PHLDB2: variants seen among roughly 807,000 people sequenced by gnomAD.
PHLDB2 encodes pleckstrin homology-like domain family B member 2.
In PHLDB2, 71 loss-of-function variants were observed where a neutral mutation model predicts 123.6. The ratio of observed to expected loss-of-function variants is 0.57; its 90% confidence interval spans 0.47 to 0.70. The LOEUF is 0.70. Ranked by LOEUF, PHLDB2 falls within the 30% of genes least tolerant of loss-of-function variation. The pLI, the probability that PHLDB2 is intolerant of heterozygous loss-of-function variation, is 0.00. For synonymous variants in PHLDB2, 547 were observed against 541.6 expected, an observed-to-expected ratio of 1.01 and a Z score of -0.14; for missense variants, 1,446 against 1,519.5, an observed-to-expected ratio of 0.95 and a Z score of 0.80.
At chr3:111,908,666 G>A (rs1005478987) in intron 2 of PHLDB2, among the ~76,000 whole-genome samples, 1 of 152,190 alleles carries the variant, frequency 6.6e-6, no homozygotes, top group Non-Finnish European at 1.5e-5. Flanking sequence ...TGAGGGTGAG[G>A]AAGAGAGGAG....
At chr3:111,738,931 G>A (rs542129954) in intron 1 of PHLDB2, among the ~76,000 whole-genome samples, 10 of 152,232 alleles carry the variant, frequency 6.6e-5, no homozygotes, top group African/African-American at 2.2e-4. Flanking sequence ...AGGAGACCTC[G>A]GTTGTGTTTG....
Position 111,884,600 on chromosome 3 carries a change from T to TAGCG in PHLDB2, c.523_524insAGCG (p.Ser175Ter), listed in dbSNP as rs756804540. The TAGCG allele has an allele frequency of 1.7e-5, 28 of 1,614,184 alleles. No homozygotes were observed. The highest frequency in any genetic ancestry group is 2.4e-5 in the Non-Finnish European group (28 of 1,180,034). On this transcript the variant is annotated stop_gained and frameshift_variant, in exon 2 of 18. Coordinates refer to ENST00000431670, the MANE Select transcript of PHLDB2 (RefSeq NM_001134438.2). LOFTEE classifies it high-confidence loss of function. ...GCTGGAAGGTCGGAAGGCATCTGGC[T>TAGCG]CGCTCCTGGCCATGTGGAATGGAAG...
Position 111,975,246 on chromosome 3 carries a change from G to GTATA in PHLDB2, c.*691_*694dup, listed in dbSNP as rs1553757034. On this transcript the variant is annotated 3_prime_UTR_variant, in exon 18 of 18. Transcript: ENST00000431670. ...ACCACTGGTGTAAGCTACTATATAT[G>GTATA]TATATATATATGTAGTAAACCACTT... The GTATA allele has an allele frequency of 1.6e-4, 24 of 151,480 alleles. No individual in the cohort carries two copies. Among genetic ancestry groups the GTATA allele is most frequent in the African/African-American group, 5.1e-4 (21 of 41,042 alleles). The allele number at this position is 151,480 out of a possible 1,614,324, so 9.4% of individuals were successfully genotyped here.
chr3:111,749,577 G>A (rs774279034), intron 1 of PHLDB2, among the ~76,000 whole-genome samples: 9 of 152,086 alleles, frequency 5.9e-5, no homozygotes, highest in Admixed American at 2.0e-4. Context: ...GTCAACCTAC[G>A]TTTAATTTTA....
At chr3:111,841,300 G>T (rs945361540) in intron 1 of PHLDB2, among the ~76,000 whole-genome samples, 3 of 152,058 alleles carry the variant, frequency 2.0e-5, no homozygotes, top group African/African-American at 7.2e-5. Context: ...GAAGGGGTTT[G>T]AATTTAAACA....
chr3:111,771,547 G>T (rs547193766), intron 1 of PHLDB2, among the ~76,000 whole-genome samples: 1 of 152,176 alleles, frequency 6.6e-6, no homozygotes, highest in Non-Finnish European at 1.5e-5. Flanking sequence ...CACCACGTGG[G>T]CCAGACTGGT....
At chr3:111,783,933 A>G (rs2060581446) in intron 1 of PHLDB2, among the ~76,000 whole-genome samples, 1 of 152,152 alleles carries the variant, frequency 6.6e-6, no homozygotes, top group South Asian at 2.1e-4. Flanking sequence ...ACATAAAAAT[A>G]CAGTTGGGTG....
At chr3:111,973,622 GATAA>G in intron 16 of PHLDB2, 106 bp from the exon 17 acceptor site, 1 of 597,424 alleles carries the variant, frequency 1.7e-6, no homozygotes, top group Non-Finnish European at 2.8e-6. Flanking sequence ...ATTAATCTTA[GATAA>G]ATTAAATACT....
intron 1 of PHLDB2, among the ~76,000 whole-genome samples, chr3:111,830,568 G>A (rs1203552851): frequency 6.7e-6 from 1 of 150,118 alleles, no homozygotes; most frequent in South Asian, 2.1e-4. Context: ...CCAGCACTTT[G>A]GGAGGCCGAG....
chr3:111,911,562 A>T (rs1464591805), intron 2 of PHLDB2: 6 of 1,488,866 alleles, frequency 4.0e-6, no homozygotes, highest in Non-Finnish European at 5.4e-6. Flanking sequence ...AGGGCTTGGC[A>T]GCTGGTGGAA....
chr3:111,929,848 C>T (rs568989232), intron 5 of PHLDB2, among the ~76,000 whole-genome samples: 18 of 152,140 alleles, frequency 1.2e-4, no homozygotes, highest in African/African-American at 4.3e-4. Flanking sequence ...TCTAGATGCC[C>T]CCTTGTATGA....
At chr3:111,804,562 A>G (rs187460512) in intron 1 of PHLDB2, among the ~76,000 whole-genome samples, 267 of 152,344 alleles carry the variant, frequency 1.8e-3, no homozygotes, top group Middle Eastern at 6.8e-3. Context: ...TATCTGCAGC[A>G]TAAGTACAGT....
At chr3:111,906,737 C>T (rs1254656521) in intron 2 of PHLDB2, among the ~76,000 whole-genome samples, 1 of 152,224 alleles carries the variant, frequency 6.6e-6, no homozygotes, top group Non-Finnish European at 1.5e-5. Context: ...TAGTAATCTG[C>T]ACATAACAAA....
In PHLDB2 at chr3:111,859,462, C is replaced by G. The variant is rs560411275; in HGVS notation, c.-129C>G. ...GTCAAGAGTGCCGGACCCAGCCGCG[C>G]GGAGCCCACCATTGCGGCCCGAGGG... On this transcript the variant is annotated 5_prime_UTR_variant, in exon 1 of 18. Coordinates refer to ENST00000431670, the MANE Select transcript of PHLDB2 (RefSeq NM_001134438.2). 1.0e-6 allele frequency: 1 copy of G among 985,394 alleles called. No homozygotes were observed. Among genetic ancestry groups the G allele is most frequent in the African/African-American group, 1.7e-5 (1 of 57,260 alleles). 61.0% of individuals were successfully genotyped at this position (985,394 alleles called of 1,614,324 possible).
intron 2 of PHLDB2, among the ~76,000 whole-genome samples, chr3:111,886,668 T>TA (rs1408673650): frequency 6.6e-6 from 1 of 152,206 alleles, no homozygotes; most frequent in African/African-American, 2.4e-5. Flanking sequence ...TGTCTGTTCT[T>TA]ACAGAGTTTT....
chr3:111,814,876 T>C (rs2062002562), intron 1 of PHLDB2, among the ~76,000 whole-genome samples: 1 of 152,164 alleles, frequency 6.6e-6, no homozygotes, highest in Non-Finnish European at 1.5e-5. Flanking sequence ...ATAATATGGT[T>C]TGGCTGTGTC....
intron 1 of PHLDB2, among the ~76,000 whole-genome samples, chr3:111,844,334 A>G (rs2063840030): frequency 6.6e-6 from 1 of 152,162 alleles, no homozygotes; most frequent in Admixed American, 6.5e-5. Flanking sequence ...CCCTACAGAT[A>G]TATTTCAATT....
Position 111,939,532 on chromosome 3 carries a change from C to T in PHLDB2, c.2188C>T (p.Leu730Phe). Residue 730 changes from leucine (L) to phenylalanine (F), a missense_variant, in exon 7 of 18, where the codon CTT (leucine) becomes TTT (phenylalanine). This residue lies in a region of PHLDB2 where 594 missense variants were observed against 646.0 expected (regional missense o/e 0.92). Transcript: ENST00000431670. ...KHFEDLEFQQ[L>F]EHESRLDEEK... ...CTTTGAAGACCTGGAGTTCCAGCAG[C>T]TTGAACATGAGAGCCGTCTAGATGA... 6.2e-7 allele frequency: 1 copy of T among 1,613,686 alleles called. No individual in the cohort carries two copies. Among genetic ancestry groups the T allele is most frequent in the Non-Finnish European group, 8.5e-7 (1 of 1,179,804 alleles).
At chr3:111,933,560 A>G (rs1164231888) in intron 6 of PHLDB2, among the ~76,000 whole-genome samples, 1 of 152,198 alleles carries the variant, frequency 6.6e-6, no homozygotes, top group Non-Finnish European at 1.5e-5. Context: ...ATTTCTTACA[A>G]TGTTGGAGCA....
Sources: allele counts gnomAD v4.1 joint callset (sites outside exome capture counted in the v4.1 genomes callset), GRCh38; gene constraint gnomAD v4.1.1; regional missense constraint gnomAD v4.1.1; transcripts MANE v1.5; gene names NCBI Gene and HGNC (gene_info 2026-07-23, HGNC 2026-07-21).